IL1RAPL1: variants seen among roughly 807,000 people sequenced by gnomAD.
The protein encoded by IL1RAPL1 is interleukin 1 receptor accessory protein like 1.
IL1RAPL1 carries 3 observed loss-of-function variants against 48.4 expected under a neutral mutation model. The ratio of observed to expected loss-of-function variants is 0.06; its 90% CI spans 0.03 to 0.16. The LOEUF is 0.16. IL1RAPL1 is among the 10% of genes least tolerant of loss of function. The probability of loss-of-function intolerance (pLI) is 1.00; values close to 1 mark genes in which losing one functional copy is unlikely to be tolerated. For missense variants in IL1RAPL1, 349 were observed against 530.6 expected (o/e 0.66, Z 3.36); for synonymous variants, 185 against 187.7 (o/e 0.99, Z 0.12).
At chrX:29,143,770 T>G (rs766818267) in intron 2 of IL1RAPL1, among the ~76,000 whole-genome samples, 8 of 112,326 alleles carry the variant, frequency 7.1e-5, no homozygotes, top group Admixed American at 5.7e-4. Context: ...TGTGCCTAAT[T>G]TACAAATTAA....
chrX:29,446,783 A>G (rs1278927955), intron 5 of IL1RAPL1, among the ~76,000 whole-genome samples: 1 of 111,683 alleles, frequency 9.0e-6, no homozygotes, highest in African/African-American at 3.2e-5. Context: ...CTCAAGAAAT[A>G]ATGCCCAGTA....
intron 2 of IL1RAPL1, among the ~76,000 whole-genome samples, chrX:29,184,215 A>G (rs1235018352): frequency 9.0e-6 from 1 of 111,331 alleles, no homozygotes; most frequent in Non-Finnish European, 1.9e-5. Context: ...CTAGCCCATG[A>G]GTGCCTAGGT....
chrX:28,762,786 G>A (rs868222697), intron 1 of IL1RAPL1, among the ~76,000 whole-genome samples: 13 of 62,961 alleles, frequency 2.1e-4, no homozygotes, highest in African/African-American at 5.7e-4. Flanking sequence ...GCACGCGCGC[G>A]CACACACACA....
chrX:29,336,074 A>C (rs1932988786), intron 3 of IL1RAPL1, among the ~76,000 whole-genome samples: 1 of 105,664 alleles, frequency 9.5e-6, no homozygotes, highest in Non-Finnish European at 1.9e-5. Flanking sequence ...TTAAAAAAAT[A>C]TATATGTATA....
chrX:29,669,525 A>C (rs1926089644), intron 6 of IL1RAPL1, among the ~76,000 whole-genome samples: 1 of 111,584 alleles, frequency 9.0e-6, no homozygotes, highest in Non-Finnish European at 1.9e-5. Context: ...CAGATGTGAT[A>C]ATCTTTACTA....
At chrX:29,741,722 A>T (rs1171672835) in intron 6 of IL1RAPL1, among the ~76,000 whole-genome samples, 2 of 108,587 alleles carry the variant, frequency 1.8e-5, no homozygotes, top group Non-Finnish European at 3.8e-5. Flanking sequence ...GGAGTTCTAG[A>T]CCATCCTGGC....
intron 6 of IL1RAPL1, among the ~76,000 whole-genome samples, chrX:29,683,236 GAATA>G (rs1926513127): frequency 8.9e-6 from 1 of 111,943 alleles, no homozygotes; most frequent in Non-Finnish European, 1.9e-5. Context: ...ATAGGTAGAT[GAATA>G]GATAGATAGA....
At chrX:29,582,728 A>AT (rs1923017855) in intron 5 of IL1RAPL1, among the ~76,000 whole-genome samples, 1 of 50,296 alleles carries the variant, frequency 2.0e-5, no homozygotes, top group East Asian at 5.4e-4. Flanking sequence ...TGAACTCATC[A>AT]TTTTTTATGG....
At chrX:29,939,529 A>C (rs1229295898) in intron 8 of IL1RAPL1, among the ~76,000 whole-genome samples, 1 of 111,811 alleles carries the variant, frequency 8.9e-6, no homozygotes, top group Non-Finnish European at 1.9e-5. Flanking sequence ...GGGGGAAAAC[A>C]TTATACTGAA....
chrX:29,226,444 C>CTTT (rs57929074), intron 2 of IL1RAPL1, among the ~76,000 whole-genome samples: 13 of 86,868 alleles, frequency 1.5e-4, no homozygotes, highest in African/African-American at 3.9e-4. Context: ...TTCTTTCTTT[C>CTTT]TTTTTTTTTT....
chrX:29,802,361 G>C (rs1456574813), intron 6 of IL1RAPL1, among the ~76,000 whole-genome samples: 1 of 110,867 alleles, frequency 9.0e-6, no homozygotes, highest in Non-Finnish European at 1.9e-5. Context: ...AAATATACCA[G>C]TGCTTCTCAA....
intron 5 of IL1RAPL1, among the ~76,000 whole-genome samples, chrX:29,514,215 A>T (rs1415963429): frequency 2.7e-5 from 3 of 111,757 alleles, no homozygotes; most frequent in Non-Finnish European, 5.6e-5. Context: ...TGAAAGTTAG[A>T]TAGAAACAGC....
intron 5 of IL1RAPL1, among the ~76,000 whole-genome samples, chrX:29,438,397 T>G (rs1934505755): frequency 9.0e-6 from 1 of 111,396 alleles, no homozygotes; most frequent in African/African-American, 3.2e-5. Flanking sequence ...GCTCTTGTCT[T>G]TGTTGTTTCC....
intron 6 of IL1RAPL1, among the ~76,000 whole-genome samples, chrX:29,910,163 C>T (rs1601878597): frequency 9.0e-6 from 1 of 110,668 alleles, no homozygotes; most frequent in Non-Finnish European, 1.9e-5. Flanking sequence ...AACCAAATAC[C>T]ACATGTTCTC....
intron 6 of IL1RAPL1, among the ~76,000 whole-genome samples, chrX:29,706,236 G>A (rs966818330): frequency 7.1e-5 from 8 of 111,905 alleles, no homozygotes; most frequent in African/African-American, 9.8e-5. Flanking sequence ...AGATTTGGCT[G>A]GGGACATTGA....
At chrX:29,768,416 T>A (rs1928966109) in intron 6 of IL1RAPL1, among the ~76,000 whole-genome samples, 1 of 111,784 alleles carries the variant, frequency 8.9e-6, no homozygotes, top group Non-Finnish European at 1.9e-5. Context: ...CTCTCCTTTC[T>A]AGCTATGCAA....
At chrX:28,738,388 A>G (rs990909093) in intron 1 of IL1RAPL1, among the ~76,000 whole-genome samples, 2 of 111,710 alleles carry the variant, frequency 1.8e-5, no homozygotes, top group Non-Finnish European at 3.8e-5. Flanking sequence ...TAAGTCCCTG[A>G]CCTCATGTAT....
At chrX:29,188,874 C>A (rs1228774178) in intron 2 of IL1RAPL1, among the ~76,000 whole-genome samples, 1 of 111,382 alleles carries the variant, frequency 9.0e-6, no homozygotes, top group African/African-American at 3.3e-5. Flanking sequence ...TGAGCCACCA[C>A]GCCCGCCCAC....
intron 5 of IL1RAPL1, among the ~76,000 whole-genome samples, chrX:29,580,075 A>G (rs1433694743): frequency 1.8e-5 from 2 of 110,356 alleles, no homozygotes; most frequent in Non-Finnish European, 1.9e-5. Flanking sequence ...TTTAGTATTC[A>G]CAATTATTTT....
Sources: gnomAD v4.1 joint callset for allele counts (sites outside exome capture counted in the v4.1 genomes callset) on GRCh38, gnomAD v4.1.1 for gene constraint, MANE v1.5 for transcripts, NCBI Gene and HGNC (gene_info 2026-07-23, HGNC 2026-07-21) for gene names.